Variants in SCHIP1 observed in about 807,000 individuals in gnomAD.
SCHIP1 encodes schwannomin interacting protein 1.
SCHIP1 carries 8 observed loss-of-function variants against 29.7 expected under a neutral mutation model. The ratio of observed to expected loss-of-function variants is 0.27; its 90% CI spans 0.16 to 0.49. The LOEUF is 0.49. SCHIP1 is among the 20% of genes least tolerant of loss of function. The pLI is 0.99. For synonymous variants in SCHIP1, 76 were observed against 94.9 expected (o/e 0.80, Z 1.16); for missense variants, 193 against 294.6 (o/e 0.66, Z 2.52).
the SCHIP1 span, among the ~76,000 whole-genome samples, chr3:159,404,952 T>C: frequency 6.6e-6 from 1 of 152,236 alleles, no homozygotes; most frequent in Non-Finnish European, 1.5e-5. Context: ...GGAAACACTC[T>C]ACTTTTTTGG....
chr3:159,751,079 T>C, the SCHIP1 span, among the ~76,000 whole-genome samples: 13 of 152,216 alleles, frequency 8.5e-5, no homozygotes, highest in Non-Finnish European at 1.6e-4. Flanking sequence ...CTGGTTCTAG[T>C]ACTCTAATGA....
At chr3:159,702,938 C>A in the SCHIP1 span, among the ~76,000 whole-genome samples, 1 of 152,212 alleles carries the variant, frequency 6.6e-6, no homozygotes, top group Admixed American at 6.5e-5. Context: ...TCAATGATAT[C>A]CTTTTACTTG....
intron 2 of SCHIP1, among the ~76,000 whole-genome samples, chr3:159,876,742 A>AT: frequency 6.6e-6 from 1 of 152,314 alleles, no homozygotes; most frequent in Admixed American, 6.5e-5. Flanking sequence ...TCTTGTGCAC[A>AT]AAAAGAGGAA....
At chr3:159,484,482 C>A in the SCHIP1 span, among the ~76,000 whole-genome samples, 3 of 152,138 alleles carry the variant, frequency 2.0e-5, no homozygotes, top group Non-Finnish European at 2.9e-5. Flanking sequence ...TGGGAATGGC[C>A]TGTTGACACC....
the SCHIP1 span, among the ~76,000 whole-genome samples, chr3:159,570,646 G>A: frequency 3.3e-4 from 50 of 152,062 alleles, no homozygotes; most frequent in African/African-American, 1.0e-3. Context: ...TTGGTTCCAC[G>A]TGAACTTTAA....
the SCHIP1 span, among the ~76,000 whole-genome samples, chr3:159,553,246 T>G: frequency 6.8e-6 from 1 of 146,044 alleles, no homozygotes; most frequent in South Asian, 2.2e-4. Flanking sequence ...GAAAAAGTAC[T>G]CATTCAAATG....
chr3:159,840,898 C>T (rs1478633235), intron 1 of SCHIP1, among the ~76,000 whole-genome samples: 1 of 152,210 alleles, frequency 6.6e-6, no homozygotes, highest in Non-Finnish European at 1.5e-5. Flanking sequence ...AAAAGATCAG[C>T]TCTAGAGTGT....
At chr3:159,432,082 G>C in the SCHIP1 span, among the ~76,000 whole-genome samples, 4 of 152,064 alleles carry the variant, frequency 2.6e-5, no homozygotes, top group Admixed American at 2.0e-4. Flanking sequence ...GGTCTGGCTT[G>C]GGCTCTGTCA....
At chr3:159,623,915 G>A in the SCHIP1 span, among the ~76,000 whole-genome samples, 2 of 152,088 alleles carry the variant, frequency 1.3e-5, no homozygotes. Context: ...CATGATAAAA[G>A]GTGTTCCCTA....
the SCHIP1 span, among the ~76,000 whole-genome samples, chr3:159,310,089 A>G: frequency 6.6e-6 from 1 of 152,186 alleles, no homozygotes; most frequent in Non-Finnish European, 1.5e-5. Context: ...TGCTTTAGGC[A>G]TGCCCAAGTC....
the SCHIP1 span, among the ~76,000 whole-genome samples, chr3:159,297,356 T>C: frequency 6.6e-6 from 1 of 152,170 alleles, no homozygotes; most frequent in East Asian, 1.9e-4. Context: ...CTATTTTTAA[T>C]TTTTCGAGGA....
chr3:159,411,785 A>G, the SCHIP1 span, among the ~76,000 whole-genome samples: 1 of 152,198 alleles, frequency 6.6e-6, no homozygotes, highest in Non-Finnish European at 1.5e-5. Flanking sequence ...ACAGTGATCA[A>G]AATTGAGGTC....
chr3:159,325,635 A>G, the SCHIP1 span, among the ~76,000 whole-genome samples: 1 of 151,850 alleles, frequency 6.6e-6, no homozygotes, highest in African/African-American at 2.4e-5. Context: ...TTCTTTTTAT[A>G]CTCATTATTT....
the SCHIP1 span, among the ~76,000 whole-genome samples, chr3:159,378,130 A>T: frequency 7.2e-5 from 11 of 152,240 alleles, no homozygotes; most frequent in African/African-American, 9.6e-5. Flanking sequence ...AGGCTGAAAA[A>T]AGGCTATCTT....
the SCHIP1 span, among the ~76,000 whole-genome samples, chr3:159,648,268 G>A: frequency 6.6e-6 from 1 of 152,244 alleles, no homozygotes; most frequent in Non-Finnish European, 1.5e-5. Flanking sequence ...CTGATGTCAT[G>A]CACATCTGCC....
At chr3:159,395,361 G>A in the SCHIP1 span, among the ~76,000 whole-genome samples, 1 of 152,066 alleles carries the variant, frequency 6.6e-6, no homozygotes, top group African/African-American at 2.4e-5. Flanking sequence ...CCTTCTGCTA[G>A]CTTTTGAATG....
the SCHIP1 span, among the ~76,000 whole-genome samples, chr3:159,570,085 C>T: frequency 6.6e-6 from 1 of 152,146 alleles, no homozygotes; most frequent in Non-Finnish European, 1.5e-5. Context: ...TTCTCCCATT[C>T]TGTAGGTTGC....
At chr3:159,360,698 G>A in the SCHIP1 span, among the ~76,000 whole-genome samples, 2 of 152,162 alleles carry the variant, frequency 1.3e-5, no homozygotes, top group Admixed American at 1.3e-4. Context: ...TGTGACATGA[G>A]GTTGACAAGA....
the SCHIP1 span, among the ~76,000 whole-genome samples, chr3:159,292,085 A>G: frequency 5.3e-5 from 8 of 152,128 alleles, no homozygotes; most frequent in African/African-American, 1.9e-4. Flanking sequence ...ATAGGCCATA[A>G]TTATTGAAGA....
Sources: gnomAD v4.1 joint callset for allele counts (sites outside exome capture counted in the v4.1 genomes callset) on GRCh38, gnomAD v4.1.1 for gene constraint, MANE v1.5 for transcripts, NCBI Gene and HGNC (gene_info 2026-07-23, HGNC 2026-07-21) for gene names.